Variants in ZNRF1 observed in about 807,000 individuals in gnomAD.
ZNRF1 encodes E3 ubiquitin-protein ligase ZNRF1.
A neutral mutation model predicts 18.4 loss-of-function variants in ZNRF1; 3 were observed. The ratio of observed to expected loss-of-function variants is 0.16; its 90% confidence interval spans 0.07 to 0.42. ZNRF1 has a LOEUF of 0.42. Ranked by LOEUF, ZNRF1 falls within the 10% of genes least tolerant of loss-of-function variation. The pLI is 0.99. For synonymous variants in ZNRF1, 157 were observed against 144.2 expected (o/e 1.09, Z -0.64); for missense variants, 310 against 329.8 (o/e 0.94, Z 0.47).
intron 1 of ZNRF1, among the ~76,000 whole-genome samples, chr16:75,033,486 C>G (rs1215954264): frequency 6.9e-6 from 1 of 143,896 alleles, no homozygotes; most frequent in Non-Finnish European, 1.5e-5. Context: ...GTCACCCAGG[C>G]TGGAGTGCAA....
chr16:75,091,528 A>G (rs1408748254), intron 1 of ZNRF1, among the ~76,000 whole-genome samples: 1 of 139,598 alleles, frequency 7.2e-6, no homozygotes, highest in East Asian at 2.0e-4. Context: ...AAATCTGCAT[A>G]TAACTTTTTT....
At chr16:75,010,368 A>G (rs2034978894) in intron 1 of ZNRF1, among the ~76,000 whole-genome samples, 1 of 152,178 alleles carries the variant, frequency 6.6e-6, no homozygotes. Flanking sequence ...AACACTAGTG[A>G]CTGTAATGTA....
intron 1 of ZNRF1, 120 bp from the exon 2 acceptor site, chr16:75,093,452 C>CT: frequency 1.4e-6 from 1 of 698,694 alleles, no homozygotes; most frequent in Non-Finnish European, 2.6e-6. Flanking sequence ...AGGGTCTGTT[C>CT]TGATGGTCAT....
At chr16:75,017,654 A>T (rs2035089845) in intron 1 of ZNRF1, among the ~76,000 whole-genome samples, 1 of 152,038 alleles carries the variant, frequency 6.6e-6, no homozygotes, top group South Asian at 2.1e-4. Context: ...TAAAACTGAG[A>T]TCTCCTTTAA....
At chr16:75,037,486 C>T (rs972395242) in intron 1 of ZNRF1, among the ~76,000 whole-genome samples, 1 of 152,024 alleles carries the variant, frequency 6.6e-6, no homozygotes, top group Non-Finnish European at 1.5e-5. Context: ...TACAAGTGTG[C>T]ACCACCATGC....
At chr16:75,105,181 G>A (rs1245803682) in intron 3 of ZNRF1, 5 of 341,758 alleles carry the variant, frequency 1.5e-5, no homozygotes, top group Non-Finnish European at 2.8e-5. Flanking sequence ...AGGAGCTTCG[G>A]ATCCCACTGG....
At chr16:75,018,647 G>A (rs976352109) in intron 1 of ZNRF1, among the ~76,000 whole-genome samples, 1 of 152,036 alleles carries the variant, frequency 6.6e-6, no homozygotes, top group African/African-American at 2.4e-5. Flanking sequence ...TTATTCAGAT[G>A]ATCATCTGGG....
intron 2 of ZNRF1, chr16:75,104,348 A>C (rs1004911453): frequency 6.4e-6 from 1 of 156,942 alleles, no homozygotes; most frequent in African/African-American, 2.4e-5. Context: ...TTTCTTGGGG[A>C]CCTGTTTCTT....
intron 1 of ZNRF1, among the ~76,000 whole-genome samples, chr16:75,006,878 C>T (rs956756007): frequency 2.0e-5 from 3 of 152,066 alleles, no homozygotes; most frequent in Non-Finnish European, 4.4e-5. Context: ...TTCTTAGAGA[C>T]CCAGCAGTTT....
intron 2 of ZNRF1, among the ~76,000 whole-genome samples, chr16:75,096,638 C>T (rs552926378): frequency 1.3e-5 from 2 of 152,102 alleles, no homozygotes; most frequent in African/African-American, 2.4e-5. Flanking sequence ...TGAAGACTTC[C>T]CATTTACACA....
chr16:75,015,697 C>G (rs973723061), intron 1 of ZNRF1, among the ~76,000 whole-genome samples: 1 of 152,190 alleles, frequency 6.6e-6, no homozygotes, highest in African/African-American at 2.4e-5. Context: ...AGTCCTCCCA[C>G]CTCAGTCTCC....
chr16:75,059,619 A>T (rs568331409), intron 1 of ZNRF1, among the ~76,000 whole-genome samples: 10 of 152,218 alleles, frequency 6.6e-5, no homozygotes, highest in African/African-American at 2.4e-4. Context: ...TTCAGCCATC[A>T]AAAAGACTCC....
chr16:75,090,159 T>G (rs1273302688), intron 1 of ZNRF1, among the ~76,000 whole-genome samples: 1 of 152,154 alleles, frequency 6.6e-6, no homozygotes, highest in Non-Finnish European at 1.5e-5. Flanking sequence ...AAACCCCATG[T>G]GAGTGCAGAG....
chr16:75,095,870 C>A, intron 2 of ZNRF1: 2 of 906,270 alleles, frequency 2.2e-6, no homozygotes, highest in Non-Finnish European at 1.5e-6. Context: ...CTACACCCCA[C>A]CACCGGCAGC....
Position 75,009,220 on chromosome 16 carries a change from T to C in ZNRF1, c.424+9125T>C, listed in dbSNP as rs528889693. Among the ~76,000 whole-genome samples, 3 of 152,336 alleles carry C rather than the reference T, an allele frequency of 2.0e-5. No individual in the cohort carries two copies. In the East Asian group the frequency reaches 5.8e-4, roughly 29 times the overall value. On this transcript the variant is annotated intron_variant, in intron 1 of 4. Coordinates refer to ENST00000335325, the MANE Select transcript of ZNRF1 (RefSeq NM_032268.5). ...GTCTATGTCTCTGAACTTCACAACA[T>C]CTACACTTCTGTGCTGGCTCCCCTC...
At chr16:75,006,136 G>A (rs977088836) in intron 1 of ZNRF1, among the ~76,000 whole-genome samples, 6 of 152,162 alleles carry the variant, frequency 3.9e-5, no homozygotes, top group African/African-American at 1.4e-4. Flanking sequence ...AGGGTGGTGC[G>A]TCATGGTATC....
rs936763101 is a variant in ZNRF1 at position 75,095,570 on chromosome 16, T to A, written c.520+1903T>A. 45 of 1,503,292 alleles carry A rather than the reference T, an allele frequency of 3.0e-5. No individual in the cohort carries two copies. In the African/African-American group the frequency reaches 6.0e-4, roughly 20 times the overall value. 93.1% of individuals were successfully genotyped at this position (1,503,292 alleles called of 1,614,324 possible). On this transcript the variant is annotated intron_variant, in intron 2 of 4. Coordinates refer to ENST00000335325, the MANE Select transcript of ZNRF1 (RefSeq NM_032268.5). ...GTTTGTCCTGTGGGTTGCTAGGGCG[T>A]TCTCTGTAGACACTGCGTTTGTTGT...
intron 3 of ZNRF1, chr16:75,106,117 G>C: frequency 4.8e-6 from 1 of 210,040 alleles, no homozygotes; most frequent in East Asian, 1.1e-4. Flanking sequence ...GAGTCTTGGA[G>C]ACAGCTGACT....
intron 4 of ZNRF1, chr16:75,106,789 C>T (rs1016710043): frequency 1.4e-5 from 7 of 505,648 alleles, no homozygotes; most frequent in Non-Finnish European, 2.5e-5. Context: ...GAAGAACAGG[C>T]TCAGAAGAGT....
Sources: gnomAD v4.1 joint callset for allele counts (sites outside exome capture counted in the v4.1 genomes callset) on GRCh38, gnomAD v4.1.1 for gene constraint, MANE v1.5 for transcripts, NCBI Gene and HGNC (gene_info 2026-07-23, HGNC 2026-07-21) for gene names.